Variants in TNRC6C observed in about 807,000 individuals in gnomAD.
TNRC6C encodes the protein trinucleotide repeat-containing gene 6C protein.
TNRC6C carries 20 observed loss-of-function variants against 153.7 expected under a neutral mutation model. The ratio of observed to expected loss-of-function variants is 0.13; its 90% CI spans 0.09 to 0.19. TNRC6C has a LOEUF of 0.19. TNRC6C is among the 10% of genes least tolerant of loss of function. TNRC6C has a pLI of 1.00. For synonymous variants in TNRC6C, 811 were observed against 841.4 expected, an observed-to-expected ratio of 0.96 and a Z score of 0.63; for missense variants, 1,987 against 2,172.0, an observed-to-expected ratio of 0.91 and a Z score of 1.69.
At chr17:78,050,033 A>C (rs926182709) in exon 3 of TNRC6C, 1 of 1,612,390 alleles carries the variant, frequency 6.2e-7, no homozygotes, top group Non-Finnish European at 8.5e-7. Context: ...GGTAATATCC[A>C]TTCAGGAGCT....
intron 16 of TNRC6C, 56 bp from the exon 20 acceptor site, chr17:78,098,287 G>C (rs1350780797): frequency 6.7e-7 from 1 of 1,490,578 alleles, no homozygotes; most frequent in African/African-American, 1.4e-5. Flanking sequence ...AAACACAGCA[G>C]TGAGTTTTCT....
chr17:77,977,866 T>C (rs1433103302), intron 1 of TNRC6C, among the ~76,000 whole-genome samples: 2 of 151,246 alleles, frequency 1.3e-5, no homozygotes. Flanking sequence ...AATTCATCAG[T>C]ATCAGTATTT....
At chr17:77,999,906 G>C (rs1390365423), upstream of TNRC6C, among the ~76,000 whole-genome samples, 1 of 152,190 alleles carries the variant, frequency 6.6e-6, no homozygotes, top group African/African-American at 2.4e-5. Context: ...GCCAGGGAGT[G>C]ACAACATACA....
chr17:78,091,404 GGAGCA>G, intron 13 of TNRC6C, 31 bp from the exon 16 acceptor site: 6 of 1,529,474 alleles, frequency 3.9e-6, no homozygotes, highest in Non-Finnish European at 5.3e-6. Flanking sequence ...GTCATTTAGA[GGAGCA>G]GGCGAATCCT....
intron 13 of TNRC6C, among the ~76,000 whole-genome samples, chr17:78,090,701 T>G (rs1258831613): frequency 6.6e-6 from 1 of 152,214 alleles, no homozygotes; most frequent in Admixed American, 6.5e-5. Context: ...GTACCTGCTT[T>G]TAGCTATAAG....
rs145937009 is a variant in TNRC6C, at chr17:78,053,348, G to A, written c.2395+1891G>A. Among the ~76,000 whole-genome samples, 656 of 152,300 alleles carry A rather than the reference G, an allele frequency of 4.3e-3. 2 individuals carry two copies. Among genetic ancestry groups the A allele is most frequent in the Middle Eastern group, 0.02 (6 of 294 alleles). ...TGAAGGGATTTGAAAAATAAGATTAGGTCGGGCGTGGTGGCTCATGCCTGT... is the reference window on the plus strand; with the variant it reads ...TGAAGGGATTTGAAAAATAAGATTAAGTCGGGCGTGGTGGCTCATGCCTGT... On this transcript the variant is annotated intron_variant, in intron 3 of 19. Transcript: ENST00000301624.
At chr17:77,959,597 C>T (rs1292860227) in intron 1 of TNRC6C, among the ~76,000 whole-genome samples, 1 of 152,170 alleles carries the variant, frequency 6.6e-6, no homozygotes, top group East Asian at 1.9e-4. Context: ...GGGCAGCCCC[C>T]CGCAGATTTT....
At chr17:77,961,741 G>C (rs1275951747) in intron 1 of TNRC6C, among the ~76,000 whole-genome samples, 2 of 152,180 alleles carry the variant, frequency 1.3e-5, no homozygotes, top group African/African-American at 4.8e-5. Flanking sequence ...CCTTTAGAAT[G>C]CTGATTGTGA....
intron 3 of TNRC6C, among the ~76,000 whole-genome samples, chr17:78,058,467 A>C (rs1474678016): frequency 6.6e-6 from 1 of 152,202 alleles, no homozygotes; most frequent in African/African-American, 2.4e-5. Flanking sequence ...TAACAATGAG[A>C]TTGAAGAAGA....
Position 78,104,419 on chromosome 17 carries a change from G to T in TNRC6C, c.4713-66G>T. 2 of 1,420,878 alleles carry T rather than the reference G, an allele frequency of 1.4e-6. No individual in the cohort carries two copies. Among genetic ancestry groups the T allele is most frequent in the Non-Finnish European group, 1.8e-6 (2 of 1,085,762 alleles). The allele number at this position is 1,420,878 out of a possible 1,614,324, so 88.0% of individuals were successfully genotyped here. ...TGGGGCCGTTCCCAATACAGAGAAA[G>T]CCAGTGCCACGAACTCAGCAGGACT... On this transcript the variant is annotated intron_variant, in intron 19 of 19. Transcript: ENST00000301624. The surrounding 1 kb of genome is among the most constrained non-coding windows in gnomAD (Gnocchi z 6.2).
intron 2 of TNRC6C, among the ~76,000 whole-genome samples, chr17:78,039,298 T>C (rs1322471870): frequency 2.4e-5 from 3 of 125,928 alleles, no homozygotes; most frequent in Non-Finnish European, 3.3e-5. Flanking sequence ...AGAACAGCAA[T>C]TTCAAATCTT....
chr17:78,059,149 A>G (rs1480494846), intron 3 of TNRC6C, among the ~76,000 whole-genome samples: 3 of 152,222 alleles, frequency 2.0e-5, no homozygotes, highest in Non-Finnish European at 2.9e-5. Context: ...AAAGACAGTC[A>G]CCTGCAGATG....
chr17:77,958,900 G>A (rs2070835566), upstream of TNRC6C, among the ~76,000 whole-genome samples: 2 of 146,416 alleles, frequency 1.4e-5, no homozygotes, highest in South Asian at 2.1e-4. Flanking sequence ...GCCCGAGCCG[G>A]AGGCGGAGGG....
chr17:78,106,001 A>C (rs1172253006), exon 20 of TNRC6C: 1 of 152,124 alleles, frequency 6.6e-6, no homozygotes, highest in Non-Finnish European at 1.5e-5. Flanking sequence ...TAATGCAAGA[A>C]AATTATTACC....
chr17:78,096,898 G>A (rs2073497434), intron 16 of TNRC6C, among the ~76,000 whole-genome samples: 1 of 152,210 alleles, frequency 6.6e-6, no homozygotes, highest in Non-Finnish European at 1.5e-5. Context: ...TTACACAAGG[G>A]ATTGAGGTGC....
At chr17:78,071,113 A>G in exon 6 of TNRC6C, 1 of 1,607,416 alleles carries the variant, frequency 6.2e-7, no homozygotes, top group East Asian at 2.2e-5. Flanking sequence ...AAGCAGGATG[A>G]GGCCTGGATC....
In TNRC6C at chr17:78,078,794, G is replaced by T. The variant is rs184168995; in HGVS notation, c.3211-601G>T. Among the ~76,000 whole-genome samples the T allele has an allele frequency of 9.5e-4, 144 of 152,028 alleles. 1 individual carries two copies. Among genetic ancestry groups the T allele is most frequent in the African/African-American group, 3.3e-3 (135 of 41,470 alleles). On this transcript the variant is annotated intron_variant, in intron 9 of 19. Transcript: ENST00000301624. ...AGCCAGGACAACATGGCAAAACCCC[G>T]TCTCTACTAAAAACACAAAAATTCG...
At chr17:78,036,289 A>C (rs1180093428) in intron 2 of TNRC6C, among the ~76,000 whole-genome samples, 1 of 152,208 alleles carries the variant, frequency 6.6e-6, no homozygotes, top group African/African-American at 2.4e-5. Context: ...TCGTGGAAGG[A>C]ATTGACGGAG....
In TNRC6C at chr17:78,040,824, ATCCGTCCATGCC is replaced by A. The variant is rs934968105; in HGVS notation, c.-218-8016_-218-8005del. On this transcript the variant is annotated intron_variant, in intron 2 of 19. Transcript: ENST00000301624. ...TAGATAATCAAAGCTGTAAAATCCCATCCGTCCATGCCTCCGCCCCTAGTTGAAGGGGATGAG... is the reference window on the plus strand; with the variant it reads ...TAGATAATCAAAGCTGTAAAATCCCATCCGCCCCTAGTTGAAGGGGATGAG... Among the ~76,000 whole-genome samples, 45 of 152,154 alleles carry A rather than the reference ATCCGTCCATGCC, an allele frequency of 3.0e-4. 2 individuals are homozygous for A. The highest frequency in any genetic ancestry group is 5.2e-4 in the Admixed American group (8 of 15,280).
Sources: allele counts gnomAD v4.1 joint callset (sites outside exome capture counted in the v4.1 genomes callset), GRCh38; gene constraint gnomAD v4.1.1; non-coding constraint Gnocchi (gnomAD v3.1); transcripts MANE v1.5; gene names NCBI Gene and HGNC (gene_info 2026-07-23, HGNC 2026-07-21).